The following CSMD2 variants were observed in gnomAD, a reference collection of about 807,000 sequenced individuals.
The protein encoded by CSMD2 is CUB and sushi domain-containing protein 2.
CSMD2 carries 130 observed loss-of-function variants against 398.5 expected under a neutral mutation model. The ratio of observed to expected loss-of-function variants is 0.33; its 90% CI spans 0.28 to 0.38. The LOEUF (loss-of-function observed/expected upper bound fraction) is 0.38, where lower values mean the gene tolerates loss of function less well. Among genes scored for constraint, CSMD2 ranks in the 10% least tolerant of loss-of-function variants. The pLI is 1.00. For missense variants in CSMD2, 3,829 were observed against 4,764.9 expected (o/e 0.80, Z 5.78); for synonymous variants, 1,828 against 1,908.5 (o/e 0.96, Z 1.10).
At chr1:34,161,246 C>G (rs1349575943) in intron 1 of CSMD2, among the ~76,000 whole-genome samples, 1 of 152,122 alleles carries the variant, frequency 6.6e-6, no homozygotes, top group East Asian at 1.9e-4. Flanking sequence ...TGAAGATGTC[C>G]AAGGATCAGC....
At chr1:33,785,165 T>A (rs756333348) in intron 12 of CSMD2, among the ~76,000 whole-genome samples, 5 of 152,216 alleles carry the variant, frequency 3.3e-5, no homozygotes, top group Non-Finnish European at 5.9e-5. Context: ...AGCTGCTAGC[T>A]ATTATAATCA....
At chr1:33,571,507 G>A in intron 51 of CSMD2, 25 bp downstream of exon 51, 2 of 1,403,536 alleles carry the variant, frequency 1.4e-6, no homozygotes, top group Non-Finnish European at 1.9e-6. Context: ...TGCTAAACTT[G>A]CCCACCCTCC....
Position 33,611,839 on chromosome 1 carries a change from A to T in CSMD2, c.6134-589T>A, listed in dbSNP as rs534842413. Among the ~76,000 whole-genome samples the T allele has an allele frequency of 2.0e-5, 3 of 152,316 alleles. No homozygotes were observed. In the South Asian group the frequency reaches 6.2e-4, roughly 32 times the overall value. ...TAATTAAGTTCTTAATGTACATAGT[A>T]ATATACTCTTTCAAGAACGAAGGTG... On this transcript the variant is annotated intron_variant, in intron 40 of 70. Transcript: ENST00000373381.
intron 10 of CSMD2, among the ~76,000 whole-genome samples, chr1:33,802,402 A>T (rs544815308): frequency 6.6e-6 from 1 of 152,334 alleles, no homozygotes; most frequent in Non-Finnish European, 1.5e-5. Flanking sequence ...GCAGAGGCGC[A>T]CAGCCCATAG....
At chr1:33,926,362 C>T (rs893497371) in intron 4 of CSMD2, among the ~76,000 whole-genome samples, 5 of 152,120 alleles carry the variant, frequency 3.3e-5, no homozygotes, top group African/African-American at 1.2e-4. Context: ...GTTTGGTAAG[C>T]CATCCCGAGA....
chr1:33,950,733 G>A (rs1038349399), intron 3 of CSMD2, among the ~76,000 whole-genome samples: 2 of 152,208 alleles, frequency 1.3e-5, no homozygotes, highest in African/African-American at 4.8e-5. Flanking sequence ...AGGTGAAAAA[G>A]AGGGAGCTGC....
chr1:33,593,269 CTG>C (rs1363950054), intron 44 of CSMD2, among the ~76,000 whole-genome samples: 1 of 152,188 alleles, frequency 6.6e-6, no homozygotes, highest in Non-Finnish European at 1.5e-5. Context: ...TATCTTTAAA[CTG>C]TGTCACATTG....
intron 53 of CSMD2, among the ~76,000 whole-genome samples, chr1:33,563,138 G>A (rs1402817213): frequency 6.6e-6 from 1 of 152,124 alleles, no homozygotes. Flanking sequence ...GTTTCCTAAG[G>A]GCAGAGATGA....
chr1:33,666,096 A>C (rs1380782358), intron 25 of CSMD2, among the ~76,000 whole-genome samples: 1 of 152,160 alleles, frequency 6.6e-6, no homozygotes, highest in Non-Finnish European at 1.5e-5. Context: ...AAGTCCAGTG[A>C]TCTCTCCTTT....
chr1:33,998,648 C>A (rs1488806642), intron 3 of CSMD2, among the ~76,000 whole-genome samples: 1 of 152,186 alleles, frequency 6.6e-6, no homozygotes, highest in Non-Finnish European at 1.5e-5. Context: ...CCTCAGCTGG[C>A]ACAGGTGAAA....
chr1:33,997,202 T>C (rs1020459320), intron 3 of CSMD2, among the ~76,000 whole-genome samples: 2 of 152,158 alleles, frequency 1.3e-5, no homozygotes, highest in Non-Finnish European at 2.9e-5. Context: ...CTGGGCAGGC[T>C]GGGCCCAACA....
intron 10 of CSMD2, among the ~76,000 whole-genome samples, chr1:33,798,501 G>T (rs1429738208): frequency 6.6e-6 from 1 of 152,176 alleles, no homozygotes; most frequent in Non-Finnish European, 1.5e-5. Flanking sequence ...GGGCCTGGCG[G>T]GATGGAGAAG....
intron 2 of CSMD2, 148 bp downstream of exon 2, chr1:34,088,829 G>A (rs1658220162): frequency 7.3e-6 from 5 of 684,780 alleles, no homozygotes; most frequent in Non-Finnish European, 1.3e-5. Flanking sequence ...GACATGAATT[G>A]GAAAACCAGA....
rs1642738325 is a variant in CSMD2, at chr1:33,635,424, A to C, written c.4970-94T>G. ...TGCCCCAGCCTGAGCTTCTGGCCCC[A>C]GTAGGGCTGCCCTGAGGTGGGCAGG... On this transcript the variant is annotated intron_variant, in intron 30 of 70. Coordinates refer to ENST00000373381, the MANE Select transcript of CSMD2 (RefSeq NM_001281956.2). This position sits in a 1 kb window ranked among gnomAD's most constrained non-coding sequence, Gnocchi z 5.0. 1.3e-6 allele frequency: 1 copy of C among 750,054 alleles called. No homozygotes were observed. The highest frequency in any genetic ancestry group is 1.8e-5 in the African/African-American group (1 of 57,060). The allele number at this position is 750,054 out of a possible 1,614,324, so 46.5% of individuals were successfully genotyped here.
intron 49 of CSMD2, 77 bp from the exon 50 acceptor site, chr1:33,572,768 C>G: frequency 1.7e-6 from 2 of 1,205,200 alleles, no homozygotes; most frequent in African/African-American, 3.0e-5. Flanking sequence ...CCTTCCTCCC[C>G]TCCCAAGGTC....
chr1:33,771,823 C>T (rs536499371), intron 13 of CSMD2, among the ~76,000 whole-genome samples: 1 of 152,188 alleles, frequency 6.6e-6, no homozygotes, highest in African/African-American at 2.4e-5. Context: ...TGGGAGAAGA[C>T]GTAACAGCCC....
At chr1:34,058,655 G>T (rs1391692167) in intron 2 of CSMD2, among the ~76,000 whole-genome samples, 4 of 152,194 alleles carry the variant, frequency 2.6e-5, no homozygotes, top group African/African-American at 9.6e-5. Context: ...ATCTGGGTTT[G>T]GAGTGAGTGT....
chr1:34,165,349 A>C, upstream of CSMD2: 3 of 1,197,786 alleles, frequency 2.5e-6, no homozygotes, highest in Non-Finnish European at 2.1e-6. Context: ...TCCCCGGATT[A>C]ATCACTCCGG....
At chr1:33,545,283 A>G (rs1348195136) in intron 57 of CSMD2, among the ~76,000 whole-genome samples, 2 of 152,214 alleles carry the variant, frequency 1.3e-5, no homozygotes, top group African/African-American at 4.8e-5. Context: ...TTAAAAATAT[A>G]CATTTTCCCC....
Sources: allele counts gnomAD v4.1 joint callset (sites outside exome capture counted in the v4.1 genomes callset), GRCh38; gene constraint gnomAD v4.1.1; non-coding constraint Gnocchi (gnomAD v3.1); transcripts MANE v1.5; gene names NCBI Gene and HGNC (gene_info 2026-07-23, HGNC 2026-07-21).